The following MAP2K1 variants were observed in gnomAD, a reference collection of about 807,000 sequenced individuals.
MAP2K1 encodes dual specificity mitogen-activated protein kinase kinase 1.
MAP2K1 carries 16 observed loss-of-function variants against 46.3 expected under a neutral mutation model. The ratio of observed to expected loss-of-function variants is 0.35; its 90% CI spans 0.23 to 0.52. The LOEUF (loss-of-function observed/expected upper bound fraction) is 0.52. Ranked by LOEUF, MAP2K1 falls within the 20% of genes least tolerant of loss-of-function variation. The probability of loss-of-function intolerance (pLI) is 0.94; values close to 1 mark genes in which losing one functional copy is unlikely to be tolerated. For missense variants in MAP2K1, 263 were observed against 497.1 expected (o/e 0.53, Z 4.48); for synonymous variants, 183 against 185.6 (o/e 0.99, Z 0.11).
chr15:66,443,185 C>T (rs549982409), intron 3 of MAP2K1, 95 bp from the exon 4 acceptor site: 8 of 693,830 alleles, frequency 1.2e-5, no homozygotes, highest in Non-Finnish European at 2.0e-5. Context: ...CTCCCAGGTT[C>T]ATGCCATTCT....
chr15:66,416,079 C>T (rs1431147902), intron 1 of MAP2K1, among the ~76,000 whole-genome samples: 2 of 152,230 alleles, frequency 1.3e-5, no homozygotes, highest in Non-Finnish European at 2.9e-5. Flanking sequence ...AGCCCCATCT[C>T]ATCACTCACC....
At position 66,481,414 on chromosome 15, in the gene MAP2K1, G is replaced by A. The variant is rs567444446; in HGVS notation, c.569-341G>A. Among the ~76,000 whole-genome samples the A allele has an allele frequency of 7.2e-5, 11 of 152,274 alleles. No homozygotes were observed. The South Asian group carries it at 2.3e-3, about 32-fold the overall frequency. ...TAGATACTATATCTTACCAGTAGGG[G>A]TGGTTGAAGCAACAGACTTTGAAAT... On this transcript the variant is annotated intron_variant, in intron 5 of 10. Coordinates refer to ENST00000307102, the MANE Select transcript of MAP2K1 (RefSeq NM_002755.4).
In MAP2K1 at chr15:66,399,211, C is replaced by T. The variant is rs545295469; in HGVS notation, c.80+11784C>T. Among the ~76,000 whole-genome samples, 14 of 152,240 alleles carry T rather than the reference C, an allele frequency of 9.2e-5. 1 individual carries two copies. In the South Asian group the frequency reaches 1.2e-3, roughly 14 times the overall value. On this transcript the variant is annotated intron_variant, in intron 1 of 10. Coordinates refer to ENST00000307102, the MANE Select transcript of MAP2K1 (RefSeq NM_002755.4). Reference sequence around the variant, plus strand: ...CAAACAGTGGATAAAGCAAATGGAACGGAATGTTCACAGTTGTTTTGTTTA... The same window carrying T: ...CAAACAGTGGATAAAGCAAATGGAATGGAATGTTCACAGTTGTTTTGTTTA...
intron 1 of MAP2K1, among the ~76,000 whole-genome samples, chr15:66,420,801 A>ATGTGTATATATATATATG (rs2093438001): frequency 1.7e-5 from 1 of 58,570 alleles, no homozygotes; most frequent in African/African-American, 4.9e-5. Flanking sequence ...GTGTATATAT[A>ATGTGTATATATATATATG]TGTGTATATA....
At chr15:66,480,621 T>C (rs1892891417) in intron 5 of MAP2K1, among the ~76,000 whole-genome samples, 1 of 151,954 alleles carries the variant, frequency 6.6e-6, no homozygotes, top group Non-Finnish European at 1.5e-5. Flanking sequence ...AAGAGAAAAA[T>C]AATGAAACGT....
intron 2 of MAP2K1, among the ~76,000 whole-genome samples, chr15:66,435,618 G>A (rs1471097576): frequency 1.3e-5 from 2 of 152,090 alleles, no homozygotes; most frequent in Admixed American, 6.6e-5. Context: ...GTGAGCCACT[G>A]TGCCCAGCCG....
chr15:66,436,682 A>AT lies in MAP2K1; in HGVS notation c.292-63dup. 3 of 1,465,256 alleles carry AT rather than the reference A, an allele frequency of 2.0e-6. No individual in the cohort carries two copies. The South Asian group carries it at 3.4e-5, about 17-fold the overall frequency. 90.8% of individuals were successfully genotyped at this position (1,465,256 alleles called of 1,614,324 possible). On this transcript the variant is annotated intron_variant, in intron 2 of 10. Transcript: ENST00000307102. Reference sequence around the variant, plus strand: ...AAGAGCTTAAACATTTAACAAGACTATATCTTTCATCCCTTCCTCCCTCTT... The same window carrying AT: ...AAGAGCTTAAACATTTAACAAGACTATTATCTTTCATCCCTTCCTCCCTCTT...
At chr15:66,415,891 ACTATAT>A (rs2093423480) in intron 1 of MAP2K1, among the ~76,000 whole-genome samples, 2 of 152,226 alleles carry the variant, frequency 1.3e-5, no homozygotes, top group Non-Finnish European at 2.9e-5. Context: ...TTTACTTTAG[ACTATAT>A]ATTTCTAGAC....
intron 1 of MAP2K1, among the ~76,000 whole-genome samples, chr15:66,416,686 C>T (rs1170140857): frequency 2.6e-5 from 4 of 152,100 alleles, no homozygotes; most frequent in Non-Finnish European, 4.4e-5. Flanking sequence ...GAATTTGGCT[C>T]CTTTTCCTTG....
intron 1 of MAP2K1, among the ~76,000 whole-genome samples, chr15:66,409,119 C>T (rs1011852974): frequency 1.3e-5 from 2 of 152,142 alleles, no homozygotes; most frequent in South Asian, 2.1e-4. Context: ...ATTGTTCATA[C>T]ATCCATTTAT....
intron 1 of MAP2K1, among the ~76,000 whole-genome samples, chr15:66,408,824 T>C (rs1034638613): frequency 1.6e-4 from 24 of 152,158 alleles, no homozygotes; most frequent in Non-Finnish European, 3.4e-4. Flanking sequence ...TCATGTCTTA[T>C]GTAAATCCAT....
intron 9 of MAP2K1, 172 bp downstream of exon 9, chr15:66,489,448 G>A (rs1251352868): frequency 2.8e-6 from 2 of 710,154 alleles, no homozygotes; most frequent in African/African-American, 3.5e-5. Flanking sequence ...CAAGACTTAT[G>A]TGGCATGTCT....
rs549842693 is a variant in MAP2K1 at position 66,487,506 on chromosome 15, G to T, written c.960+214G>T. Among the ~76,000 whole-genome samples, 3 of 152,272 alleles carry T rather than the reference G, an allele frequency of 2.0e-5. No homozygotes were observed. In the East Asian group the frequency reaches 5.8e-4, roughly 29 times the overall value. On this transcript the variant is annotated intron_variant, in intron 8 of 10. Coordinates refer to ENST00000307102, the MANE Select transcript of MAP2K1 (RefSeq NM_002755.4). ...ATACAAAAATTAGCTGGGCATGGTGGTGCACGTCTGTAGTCCCAGCTACTC... is the reference window on the plus strand; with the variant it reads ...ATACAAAAATTAGCTGGGCATGGTGTTGCACGTCTGTAGTCCCAGCTACTC...
chr15:66,440,459 A>T (rs1479633831), intron 3 of MAP2K1, among the ~76,000 whole-genome samples: 1 of 152,238 alleles, frequency 6.6e-6, no homozygotes, highest in Non-Finnish European at 1.5e-5. Context: ...TAAAGCACTC[A>T]GCCAGGGGCT....
intron 1 of MAP2K1, among the ~76,000 whole-genome samples, chr15:66,422,797 ATC>A (rs1031970635): frequency 2.6e-5 from 4 of 151,956 alleles, no homozygotes; most frequent in African/African-American, 9.7e-5. Flanking sequence ...CTTGGCCTTT[ATC>A]TCTTCAAGTA....
At chr15:66,487,402 G>A in intron 8 of MAP2K1, 110 bp downstream of exon 8, 1 of 1,026,096 alleles carries the variant, frequency 9.7e-7, no homozygotes, top group East Asian at 2.4e-5. Flanking sequence ...AGTTTGGGAG[G>A]CTGAGGCGGG....
rs1254257973 is a variant in MAP2K1, at chr15:66,436,862, T to C, written c.408T>C (p.Asp136=). 1 of 1,614,212 alleles carries C rather than the reference T, an allele frequency of 6.2e-7. No individual in the cohort carries two copies. The highest frequency in any genetic ancestry group is 2.2e-5 in the East Asian group (1 of 44,882). The change falls in exon 3 of 11, where the codon GAT becomes GAC. Residue 136 remains aspartate (D), a synonymous_variant. Transcript: ENST00000307102. The part of the protein sequence containing the change: ...IVGFYGAFYS[D]GEISICMEHM... ...GCTTCTATGGTGCGTTCTACAGCGATGGCGAGATCAGTATCTGCATGGAGC... is the reference window on the plus strand; with the variant it reads ...GCTTCTATGGTGCGTTCTACAGCGACGGCGAGATCAGTATCTGCATGGAGC...
intron 1 of MAP2K1, among the ~76,000 whole-genome samples, chr15:66,433,786 G>T (rs746813788): frequency 1.3e-5 from 2 of 152,130 alleles, no homozygotes; most frequent in Non-Finnish European, 2.9e-5. Flanking sequence ...CCACACAATT[G>T]TCACTGACAT....
At chr15:66,489,001 A>C in intron 8 of MAP2K1, 1 of 614,232 alleles carries the variant, frequency 1.6e-6, no homozygotes, top group Non-Finnish European at 2.9e-6. Context: ...TAAATGTGCT[A>C]TTTGAGATCA....
Sources: allele counts gnomAD v4.1 joint callset (sites outside exome capture counted in the v4.1 genomes callset), GRCh38; gene constraint gnomAD v4.1.1; transcripts MANE v1.5; gene names NCBI Gene and HGNC (gene_info 2026-07-23, HGNC 2026-07-21).